Variants in COG5 observed in about 807,000 individuals in gnomAD.
COG5 encodes the protein conserved oligomeric Golgi complex subunit 5.
A neutral mutation model predicts 110.4 loss-of-function variants in COG5; 86 were observed. That is an observed-to-expected ratio of 0.78 (90% CI 0.65 to 0.93). COG5 has a LOEUF of 0.93. Among genes scored for constraint, COG5 ranks in the 40% least tolerant of loss-of-function variants. The pLI, the probability that COG5 is intolerant of heterozygous loss-of-function variation, is 0.00. For missense variants in COG5, 1,077 were observed against 987.0 expected (o/e 1.09, Z -1.22); for synonymous variants, 360 against 334.6 (o/e 1.08, Z -0.83).
At chr7:107,496,885 C>T (rs1024886039) in intron 6 of COG5, among the ~76,000 whole-genome samples, 34 of 151,878 alleles carry the variant, frequency 2.2e-4, no homozygotes, top group Non-Finnish European at 8.8e-5. Flanking sequence ...TACTCAGTTG[C>T]GAAAGACTGA....
At chr7:107,407,449 T>G (rs1468696441) in intron 7 of COG5, among the ~76,000 whole-genome samples, 1 of 152,120 alleles carries the variant, frequency 6.6e-6, no homozygotes, top group Non-Finnish European at 1.5e-5. Context: ...ATTTAATATT[T>G]AACAAATACT....
At chr7:107,219,711 G>T (rs931812852) in intron 19 of COG5, among the ~76,000 whole-genome samples, 1 of 152,022 alleles carries the variant, frequency 6.6e-6, no homozygotes. Flanking sequence ...TTAGTTAAAG[G>T]GTACAAAGTT....
intron 14 of COG5, among the ~76,000 whole-genome samples, chr7:107,259,094 T>A (rs2116629499): frequency 6.6e-6 from 1 of 152,136 alleles, no homozygotes; most frequent in South Asian, 2.1e-4. Flanking sequence ...GAAACGGACA[T>A]GGAATGCTTT....
chr7:107,440,916 A>G (rs1042306275), intron 6 of COG5, among the ~76,000 whole-genome samples: 1 of 152,154 alleles, frequency 6.6e-6, no homozygotes, highest in African/African-American at 2.4e-5. Flanking sequence ...AACAGTAATA[A>G]TAAGTTAAGC....
At chr7:107,552,405 G>A (rs1307826327) in intron 3 of COG5, among the ~76,000 whole-genome samples, 1 of 151,922 alleles carries the variant, frequency 6.6e-6, no homozygotes, top group East Asian at 1.9e-4. Flanking sequence ...CTAATATCCA[G>A]AATTTATAAG....
chr7:107,516,782 A>G (rs532485244), intron 6 of COG5, among the ~76,000 whole-genome samples: 4 of 152,334 alleles, frequency 2.6e-5, no homozygotes, highest in Non-Finnish European at 5.9e-5. Flanking sequence ...CCGTTGGAAG[A>G]AAAACTAACA....
rs553794722 is a variant in COG5 at position 107,206,984 on chromosome 7, T to C, written c.2376-3354A>G. On this transcript the variant is annotated intron_variant, in intron 21 of 21. Transcript: ENST00000297135. ...AAGTAGATTATTGAGGTTATCCTTA[T>C]TGAGAAAAAAAACACGATTAGTAGA... Among the ~76,000 whole-genome samples, 8 of 146,942 alleles carry C rather than the reference T, an allele frequency of 5.4e-5. No individual in the cohort carries two copies. In the East Asian group the frequency reaches 7.9e-4, roughly 15 times the overall value.
At chr7:107,204,816 T>G (rs570446802) in intron 21 of COG5, among the ~76,000 whole-genome samples, 6 of 152,334 alleles carry the variant, frequency 3.9e-5, no homozygotes, top group South Asian at 4.1e-4. Flanking sequence ...GATCTCTGCT[T>G]CTTCCTGTCC....
At chr7:107,261,518 A>G (rs1803347332) in intron 14 of COG5, among the ~76,000 whole-genome samples, 1 of 152,186 alleles carries the variant, frequency 6.6e-6, no homozygotes, top group African/African-American at 2.4e-5. Context: ...CCATGTCTCC[A>G]AAGAGTTCTG....
chr7:107,524,185 A>G (rs1455059920), intron 6 of COG5, among the ~76,000 whole-genome samples: 3 of 152,210 alleles, frequency 2.0e-5, no homozygotes, highest in Non-Finnish European at 4.4e-5. Flanking sequence ...TGTACAATGC[A>G]GTGGTTTTTA....
chr7:107,551,891 T>C (rs1040672145), intron 3 of COG5, among the ~76,000 whole-genome samples: 1 of 152,190 alleles, frequency 6.6e-6, no homozygotes, highest in Admixed American at 6.5e-5. Context: ...GCTGGGATTA[T>C]AGGCGTGAGC....
At chr7:107,482,138 A>C in intron 6 of COG5, among the ~76,000 whole-genome samples, 1 of 129,332 alleles carries the variant, frequency 7.7e-6, no homozygotes, top group East Asian at 2.4e-4. Context: ...CTGAAAAAAA[A>C]ATCTTTTTTT....
Position 107,548,260 on chromosome 7 carries a change from T to A in COG5, c.347+18A>T, listed in dbSNP as rs1162001756. On this transcript the variant is annotated intron_variant, in intron 4 of 21. Coordinates refer to ENST00000297135, the MANE Select transcript of COG5 (RefSeq NM_006348.5). ...AAAACATTCCCATTCCATTTATTTA[T>A]AAAATTAAGAACAGTACCTATCAAC... The A allele has an allele frequency of 6.2e-7, 1 of 1,607,504 alleles. No individual in the cohort carries two copies. Among genetic ancestry groups the A allele is most frequent in the East Asian group, 2.2e-5 (1 of 44,808 alleles).
chr7:107,467,108 G>A (rs1186089118), intron 6 of COG5, among the ~76,000 whole-genome samples: 2 of 152,012 alleles, frequency 1.3e-5, no homozygotes, highest in African/African-American at 4.8e-5. Context: ...TCCCATAGGA[G>A]GAATTAAAAC....
At chr7:107,283,761 A>G in intron 12 of COG5, 29 bp from the exon 13 acceptor site, 1 of 1,558,934 alleles carries the variant, frequency 6.4e-7, no homozygotes, top group Non-Finnish European at 8.8e-7. Context: ...TTAAAAACTA[A>G]CTTAAATTGC....
chr7:107,452,588 C>G (rs568655188), intron 6 of COG5, among the ~76,000 whole-genome samples: 2 of 152,226 alleles, frequency 1.3e-5, no homozygotes, highest in Non-Finnish European at 2.9e-5. Flanking sequence ...CGGGAGTTTC[C>G]TTGCACAAGC....
intron 7 of COG5, among the ~76,000 whole-genome samples, chr7:107,384,523 T>C (rs1815405619): frequency 6.6e-6 from 1 of 152,156 alleles, no homozygotes; most frequent in Non-Finnish European, 1.5e-5. Context: ...TTTCCCCCTT[T>C]TCCCCCAGTA....
chr7:107,534,607 C>T (rs910098062), intron 5 of COG5, among the ~76,000 whole-genome samples: 3 of 151,078 alleles, frequency 2.0e-5, no homozygotes, highest in Non-Finnish European at 4.4e-5. Context: ...ATCAATGCAA[C>T]AAGAAGAGCT....
intron 5 of COG5, among the ~76,000 whole-genome samples, chr7:107,528,810 T>C (rs1800963368): frequency 6.6e-6 from 1 of 152,100 alleles, no homozygotes; most frequent in Non-Finnish European, 1.5e-5. Flanking sequence ...AACCTCCAGG[T>C]ATAAACATTC....
Sources: allele counts gnomAD v4.1 joint callset (sites outside exome capture counted in the v4.1 genomes callset), GRCh38; gene constraint gnomAD v4.1.1; transcripts MANE v1.5; gene names NCBI Gene and HGNC (gene_info 2026-07-23, HGNC 2026-07-21).